Variants in PDGFD observed in about 807,000 individuals in gnomAD.
PDGFD encodes the protein platelet-derived growth factor D.
PDGFD carries 30 observed loss-of-function variants against 44.7 expected under a neutral mutation model. The observed-to-expected ratio is 0.67, with a 90% CI of 0.50 to 0.91. The LOEUF is 0.91. Ranked by LOEUF, PDGFD falls within the 40% of genes least tolerant of loss-of-function variation. The pLI is 0.00. For missense variants in PDGFD, 445 were observed against 457.8 expected, an observed-to-expected ratio of 0.97 and a Z score of 0.25; for synonymous variants, 173 against 168.4, an observed-to-expected ratio of 1.03 and a Z score of -0.21.
intron 1 of PDGFD, among the ~76,000 whole-genome samples, chr11:104,043,973 C>T (rs1344049860): frequency 6.6e-6 from 1 of 152,130 alleles, no homozygotes; most frequent in Non-Finnish European, 1.5e-5. Flanking sequence ...TAAACAAATA[C>T]TTCTCTTATA....
At chr11:104,032,957 C>T (rs1375677657) in intron 1 of PDGFD, among the ~76,000 whole-genome samples, 1 of 151,912 alleles carries the variant, frequency 6.6e-6, no homozygotes, top group African/African-American at 2.4e-5. Context: ...ACCTCAGTTA[C>T]TTAGATTTAC....
In PDGFD at chr11:104,016,295, T is replaced by G. The variant is rs1036888384; in HGVS notation, c.125-16040A>C. Among the ~76,000 whole-genome samples, 3 of 152,234 alleles carry G rather than the reference T, an allele frequency of 2.0e-5. No homozygotes were observed. The East Asian group carries it at 5.8e-4, about 29-fold the overall frequency. ...TCCTGAATGTGTTGGCTGCTCTCCTTAAAATGTGACAGCAGTTTCAGCTAT... is the reference window on the plus strand; with the variant it reads ...TCCTGAATGTGTTGGCTGCTCTCCTGAAAATGTGACAGCAGTTTCAGCTAT... On this transcript the variant is annotated intron_variant, in intron 1 of 6. Transcript: ENST00000393158.
At chr11:104,016,770 T>C (rs1412698645) in intron 1 of PDGFD, among the ~76,000 whole-genome samples, 2 of 152,256 alleles carry the variant, frequency 1.3e-5, no homozygotes, top group Non-Finnish European at 2.9e-5. Context: ...ACATTAATAC[T>C]ACACGGTTGT....
intron 1 of PDGFD, among the ~76,000 whole-genome samples, chr11:104,119,263 T>C (rs369142617): frequency 3.7e-4 from 15 of 40,844 alleles, no homozygotes; most frequent in South Asian, 1.5e-3. Flanking sequence ...ATTGATATAA[T>C]ATATAATATA....
Position 103,907,800 on chromosome 11 carries a change from G to A in PDGFD, c.*1894C>T, listed in dbSNP as rs1010153252. On this transcript the variant is annotated 3_prime_UTR_variant, in exon 7 of 7. Transcript: ENST00000393158. ...CAAAGCAGTTATGAAGAGGAAGAGC[G>A]TTCTTAATTATTAGTGTCTGCCTGA... 3 of 152,174 alleles carry A rather than the reference G, an allele frequency of 2.0e-5. No individual in the cohort carries two copies. The highest frequency in any genetic ancestry group is 4.8e-5 in the African/African-American group (2 of 41,428). The allele number at this position is 152,174 out of a possible 1,614,324, so 9.4% of individuals were successfully genotyped here.
chr11:104,157,487 C>G (rs2119925324), intron 1 of PDGFD, among the ~76,000 whole-genome samples: 1 of 152,310 alleles, frequency 6.6e-6, no homozygotes, highest in East Asian at 1.9e-4. Context: ...ACTCCCCATG[C>G]CTTTCACTGG....
chr11:103,931,579 TTTC>T (rs1019268626), intron 5 of PDGFD, among the ~76,000 whole-genome samples: 29 of 151,998 alleles, frequency 1.9e-4, no homozygotes, highest in African/African-American at 7.0e-4. Context: ...CAGTAATCTT[TTTC>T]TTTTCTTTTC....
chr11:104,070,297 C>G (rs1247731049), intron 1 of PDGFD, among the ~76,000 whole-genome samples: 1 of 152,168 alleles, frequency 6.6e-6, no homozygotes, highest in Non-Finnish European at 1.5e-5. Flanking sequence ...CAGATTGTAT[C>G]TAGCTATCTA....
At chr11:103,938,579 T>C (rs1048455497) in intron 5 of PDGFD, among the ~76,000 whole-genome samples, 32 of 152,200 alleles carry the variant, frequency 2.1e-4, no homozygotes, top group Non-Finnish European at 4.4e-4. Context: ...TTTGTCAATT[T>C]TGGCTTTTGT....
Position 104,159,938 on chromosome 11 carries a change from T to G in PDGFD, c.124+3866A>C, listed in dbSNP as rs74616680. ...GTGGCAAGTCAATGCCAGGTTACAT[T>G]TAAAATATGTAATCACCACTATGCT... On this transcript the variant is annotated intron_variant, in intron 1 of 6. Coordinates refer to ENST00000393158, the MANE Select transcript of PDGFD (RefSeq NM_025208.5). Among the ~76,000 whole-genome samples, 221 of 152,330 alleles carry G rather than the reference T, an allele frequency of 1.5e-3. 1 individual carries two copies. Among genetic ancestry groups the G allele is most frequent in the African/African-American group, 5.1e-3 (213 of 41,568 alleles).
At chr11:104,032,292 A>G (rs1237262076) in intron 1 of PDGFD, among the ~76,000 whole-genome samples, 1 of 152,234 alleles carries the variant, frequency 6.6e-6, no homozygotes, top group East Asian at 1.9e-4. Context: ...ATTACTGTAA[A>G]GCAAATAAAA....
At chr11:104,068,675 A>G (rs1445369998) in intron 1 of PDGFD, among the ~76,000 whole-genome samples, 1 of 152,212 alleles carries the variant, frequency 6.6e-6, no homozygotes, top group African/African-American at 2.4e-5. Flanking sequence ...GAAAATATCT[A>G]TTTATATTTG....
chr11:104,129,016 G>A (rs12285176), intron 1 of PDGFD, among the ~76,000 whole-genome samples: 20,934 of 151,994 alleles, frequency 0.14, 1,621 homozygotes, highest in East Asian at 0.29. Context: ...TGTGACCACC[G>A]GCCTTATAGT....
chr11:104,126,487 T>C (rs1861843151), intron 1 of PDGFD, among the ~76,000 whole-genome samples: 1 of 152,178 alleles, frequency 6.6e-6, no homozygotes, highest in South Asian at 2.1e-4. Context: ...CCCAAACAAA[T>C]TCCAATTGTT....
At chr11:103,999,684 G>A (rs1029355644) in intron 2 of PDGFD, among the ~76,000 whole-genome samples, 11 of 152,294 alleles carry the variant, frequency 7.2e-5, no homozygotes, top group Middle Eastern at 3.4e-3. Flanking sequence ...TGCTCCCTAA[G>A]CCCATGGCAG....
At chr11:104,137,796 T>G (rs1172126580) in intron 1 of PDGFD, among the ~76,000 whole-genome samples, 2 of 149,160 alleles carry the variant, frequency 1.3e-5, no homozygotes, top group Non-Finnish European at 3.0e-5. Flanking sequence ...CTGTCTGGAG[T>G]TCTGTCCGAC....
chr11:104,132,373 T>C (rs1006774159), intron 1 of PDGFD, among the ~76,000 whole-genome samples: 2 of 152,094 alleles, frequency 1.3e-5, no homozygotes, highest in African/African-American at 2.4e-5. Flanking sequence ...TTCTTTTTTT[T>C]CTGCTCTGTA....
chr11:104,154,933 A>T (rs189091086), intron 1 of PDGFD, among the ~76,000 whole-genome samples: 10 of 152,322 alleles, frequency 6.6e-5, no homozygotes, highest in Admixed American at 3.3e-4. Flanking sequence ...CAACCTCTGC[A>T]TCTGCTCCAA....
At chr11:104,057,075 C>T (rs1427869917) in intron 1 of PDGFD, among the ~76,000 whole-genome samples, 1 of 152,178 alleles carries the variant, frequency 6.6e-6, no homozygotes, top group African/African-American at 2.4e-5. Context: ...TTGCAGTGAG[C>T]CCAGATCGAG....
Sources: gnomAD v4.1 joint callset for allele counts (sites outside exome capture counted in the v4.1 genomes callset) on GRCh38, gnomAD v4.1.1 for gene constraint, MANE v1.5 for transcripts, NCBI Gene and HGNC (gene_info 2026-07-23, HGNC 2026-07-21) for gene names.